The following ROBO1 variants were observed in gnomAD, a reference collection of about 807,000 sequenced individuals.
ROBO1 encodes roundabout guidance receptor 1.
A neutral mutation model predicts 195.9 loss-of-function variants in ROBO1; 149 were observed. The observed-to-expected ratio is 0.76, with a 90% CI of 0.67 to 0.87. The LOEUF is 0.87. Among genes scored for constraint, ROBO1 ranks in the 40% least tolerant of loss-of-function variants. The pLI is 0.00. For synonymous variants in ROBO1, 816 were observed against 733.2 expected, an observed-to-expected ratio of 1.11 and a Z score of -1.82; for missense variants, 1,933 against 2,068.3, an observed-to-expected ratio of 0.93 and a Z score of 1.27.
At chr3:79,578,994 C>G (rs966357582) in intron 2 of ROBO1, among the ~76,000 whole-genome samples, 4 of 152,104 alleles carry the variant, frequency 2.6e-5, no homozygotes, top group African/African-American at 4.8e-5. Context: ...TATGTCAGCT[C>G]AATTTCCCTC....
intron 2 of ROBO1, among the ~76,000 whole-genome samples, chr3:79,296,674 A>G (rs921245969): frequency 6.6e-6 from 1 of 152,206 alleles, no homozygotes; most frequent in Non-Finnish European, 1.5e-5. Flanking sequence ...CCAAATTTCA[A>G]CATGGAATTT....
chr3:78,879,087 T>C (rs935815782), intron 4 of ROBO1, among the ~76,000 whole-genome samples: 7 of 152,216 alleles, frequency 4.6e-5, no homozygotes, highest in African/African-American at 1.4e-4. Flanking sequence ...TGTTCTACTA[T>C]ACTTCTGCCT....
At chr3:79,766,000 G>A (rs767500130) in intron 1 of ROBO1, among the ~76,000 whole-genome samples, 94 of 152,170 alleles carry the variant, frequency 6.2e-4, no homozygotes, top group Non-Finnish European at 5.3e-4. Context: ...TTACAAGGTC[G>A]GGGCACTCCT....
At chr3:79,065,072 T>C (rs2078982540) in intron 3 of ROBO1, among the ~76,000 whole-genome samples, 1 of 151,896 alleles carries the variant, frequency 6.6e-6, no homozygotes, top group Non-Finnish European at 1.5e-5. Flanking sequence ...AAACTCCAAA[T>C]TAAAAGCTGC....
intron 3 of ROBO1, among the ~76,000 whole-genome samples, chr3:79,109,498 C>T (rs1012647496): frequency 1.1e-4 from 16 of 151,994 alleles, no homozygotes; most frequent in African/African-American, 3.6e-4. Flanking sequence ...ATTGCTATAG[C>T]TGTTTCCTCA....
chr3:78,857,674 T>G (rs547550304), intron 4 of ROBO1, among the ~76,000 whole-genome samples: 2 of 152,262 alleles, frequency 1.3e-5, no homozygotes, highest in African/African-American at 4.8e-5. Context: ...GCCAGAAATC[T>G]GTGTTTTATC....
intron 2 of ROBO1, among the ~76,000 whole-genome samples, chr3:79,240,363 GA>G (rs2082489962): frequency 6.6e-6 from 1 of 152,162 alleles, no homozygotes; most frequent in African/African-American, 2.4e-5. Context: ...TTTTGAAGAA[GA>G]AAATGGATAT....
At chr3:79,486,793 G>GTC in intron 2 of ROBO1, among the ~76,000 whole-genome samples, 1 of 152,036 alleles carries the variant, frequency 6.6e-6, no homozygotes, top group Non-Finnish European at 1.5e-5. Flanking sequence ...ATAAAAAGAA[G>GTC]CAAATATCCA....
intron 2 of ROBO1, among the ~76,000 whole-genome samples, chr3:79,147,189 T>A (rs2080670089): frequency 6.6e-6 from 1 of 151,952 alleles, no homozygotes; most frequent in Non-Finnish European, 1.5e-5. Context: ...ATGAATATAG[T>A]CAACGCAATT....
intron 2 of ROBO1, among the ~76,000 whole-genome samples, chr3:79,148,721 T>A (rs915677046): frequency 2.6e-5 from 4 of 151,844 alleles, no homozygotes; most frequent in African/African-American, 7.2e-5. Flanking sequence ...AGCTTAAGAA[T>A]ACAAATGAGA....
intron 2 of ROBO1, among the ~76,000 whole-genome samples, chr3:79,127,177 C>T (rs1210670828): frequency 6.6e-6 from 1 of 152,108 alleles, no homozygotes; most frequent in Non-Finnish European, 1.5e-5. Flanking sequence ...GGCCCGTGAA[C>T]TTATTACACG....
At chr3:79,057,214 C>A (rs1000988722) in intron 3 of ROBO1, among the ~76,000 whole-genome samples, 3 of 152,034 alleles carry the variant, frequency 2.0e-5, no homozygotes, top group Admixed American at 6.6e-5. Flanking sequence ...CTTATATCCA[C>A]CCCTTATACC....
At chr3:79,493,389 T>C (rs575880480) in intron 2 of ROBO1, among the ~76,000 whole-genome samples, 153 of 152,068 alleles carry the variant, frequency 1.0e-3, no homozygotes, top group African/African-American at 3.3e-3. Context: ...TGATAGGTAT[T>C]AACTAAAATT....
At chr3:78,775,973 T>C (rs149507378) in intron 4 of ROBO1, among the ~76,000 whole-genome samples, 1 of 152,324 alleles carries the variant, frequency 6.6e-6, no homozygotes, top group East Asian at 1.9e-4. Context: ...AAGCTTTCCA[T>C]GTATGCATAG....
At chr3:79,571,463 G>A (rs566545446) in intron 2 of ROBO1, among the ~76,000 whole-genome samples, 2 of 151,928 alleles carry the variant, frequency 1.3e-5, no homozygotes, top group African/African-American at 2.4e-5. Context: ...TCAAAGGGGG[G>A]AAAAAGCCAA....
chr3:78,829,808 A>G (rs1304628165), intron 4 of ROBO1, among the ~76,000 whole-genome samples: 2 of 152,188 alleles, frequency 1.3e-5, no homozygotes, highest in East Asian at 1.9e-4. Flanking sequence ...ACTTGTTTCT[A>G]TGGGTAAATA....
chr3:78,726,888 TAGTAACAACAACAACAACAAC>T (rs1453754524), intron 5 of ROBO1, among the ~76,000 whole-genome samples: 1 of 152,006 alleles, frequency 6.6e-6, no homozygotes, highest in Non-Finnish European at 1.5e-5. Flanking sequence ...GGCATCAAAT[TAGTAACAACAACAACAACAAC>T]AGTAACAATC....
chr3:79,284,164 C>A (rs921856710), intron 2 of ROBO1, among the ~76,000 whole-genome samples: 3 of 151,570 alleles, frequency 2.0e-5, no homozygotes, highest in Non-Finnish European at 4.4e-5. Flanking sequence ...CAATTTGGCA[C>A]CCTAGATATG....
intron 2 of ROBO1, among the ~76,000 whole-genome samples, chr3:79,456,571 A>G (rs2107230727): frequency 6.6e-6 from 1 of 152,292 alleles, no homozygotes; most frequent in East Asian, 1.9e-4. Flanking sequence ...TGATTGCTGT[A>G]CAAAGTACAG....
Sources: gnomAD v4.1 joint callset for allele counts (sites outside exome capture counted in the v4.1 genomes callset) on GRCh38, gnomAD v4.1.1 for gene constraint, MANE v1.5 for transcripts, NCBI Gene and HGNC (gene_info 2026-07-23, HGNC 2026-07-21) for gene names.